SHC3: variants seen among roughly 807,000 people sequenced by gnomAD.
SHC3 encodes the protein SHC adaptor protein 3.
SHC3 carries 15 observed loss-of-function variants against 60.4 expected under a neutral mutation model. That is an observed-to-expected ratio of 0.25 (90% CI 0.17 to 0.38). The LOEUF is 0.38. SHC3 is among the 10% of genes least tolerant of loss of function. The probability of loss-of-function intolerance (pLI) is 1.00; values close to 1 mark genes in which losing one functional copy is unlikely to be tolerated. For missense variants in SHC3, 677 were observed against 786.1 expected (o/e 0.86, Z 1.66); for synonymous variants, 294 against 325.9 (o/e 0.90, Z 1.05).
intron 5 of SHC3, 121 bp downstream of exon 5, chr9:89,071,078 G>A: frequency 2.5e-6 from 2 of 808,422 alleles, no homozygotes; most frequent in Non-Finnish European, 3.9e-6. Flanking sequence ...TCAGGAGGGG[G>A]AAATTAGTTG....
At chr9:89,106,764 C>A (rs1441627969) in intron 2 of SHC3, among the ~76,000 whole-genome samples, 1 of 152,214 alleles carries the variant, frequency 6.6e-6, no homozygotes, top group African/African-American at 2.4e-5. Context: ...ACTGAAGATA[C>A]CTTCGGTCTA....
At chr9:89,094,053 G>A (rs573826388) in intron 2 of SHC3, among the ~76,000 whole-genome samples, 19 of 148,924 alleles carry the variant, frequency 1.3e-4, no homozygotes, top group Non-Finnish European at 1.6e-4. Flanking sequence ...GCAGTGAGCC[G>A]AGATTGCACC....
intron 5 of SHC3, among the ~76,000 whole-genome samples, chr9:89,066,191 T>C (rs1488582761): frequency 6.6e-6 from 1 of 152,118 alleles, no homozygotes; most frequent in Non-Finnish European, 1.5e-5. Context: ...AATTTGGTAG[T>C]AGTTCTGGGG....
intron 5 of SHC3, among the ~76,000 whole-genome samples, chr9:89,070,506 G>A (rs1825253737): frequency 6.6e-6 from 1 of 152,190 alleles, no homozygotes; most frequent in Non-Finnish European, 1.5e-5. Context: ...GGTTTTCTGA[G>A]TTCAACTTCG....
At position 89,178,293 on chromosome 9, in the gene SHC3, C is replaced by T. The variant is rs1180693858; in HGVS notation, c.168G>A (p.Ala56=). 3.8e-6 allele frequency: 6 copies of T among 1,567,734 alleles called. No individual in the cohort carries two copies. The highest frequency in any genetic ancestry group is 1.4e-5 in the African/African-American group (1 of 71,644). Residue 56 remains alanine (A), a synonymous_variant, in exon 1 of 12, where the codon GCG becomes GCA. Coordinates refer to ENST00000375835, the MANE Select transcript of SHC3 (RefSeq NM_016848.6). This position sits in a 1 kb window ranked among gnomAD's most constrained non-coding sequence, Gnocchi z 6.9. ...YLVSGEALRK[A]PDDGPGSLGH... is the part of the protein sequence containing the mutation. The stretch of plus-strand genomic sequence containing the variant: ...CCAGGCTGCCGGGCCCATCGTCGGG[C>T]GCCTTGCGCAGCGCCTCGCCGGACA...
chr9:89,037,853 G>C (rs1824607762), intron 11 of SHC3, 140 bp downstream of exon 11: 1 of 1,105,256 alleles, frequency 9.0e-7, no homozygotes, highest in Non-Finnish European at 1.3e-6. Flanking sequence ...GGAGTTGTCT[G>C]TCCCTGCGTT....
intron 1 of SHC3, among the ~76,000 whole-genome samples, chr9:89,161,237 G>A (rs1056377165): frequency 6.6e-6 from 1 of 152,130 alleles, no homozygotes; most frequent in African/African-American, 2.4e-5. Flanking sequence ...CCCCCTTCAT[G>A]CATCCCCACT....
intron 7 of SHC3, among the ~76,000 whole-genome samples, chr9:89,051,341 G>A (rs1824858461): frequency 6.6e-6 from 1 of 152,146 alleles, no homozygotes; most frequent in African/African-American, 2.4e-5. Context: ...GCTTGATGCT[G>A]TATGGAATAT....
intron 2 of SHC3, among the ~76,000 whole-genome samples, chr9:89,089,278 A>T (rs1178379489): frequency 6.6e-6 from 1 of 152,238 alleles, no homozygotes; most frequent in Non-Finnish European, 1.5e-5. Flanking sequence ...AGGAAGAGAG[A>T]AAGAAAGAGG....
chr9:89,173,446 C>G (rs561616580), intron 1 of SHC3, among the ~76,000 whole-genome samples: 2 of 152,218 alleles, frequency 1.3e-5, no homozygotes, highest in African/African-American at 4.8e-5. Flanking sequence ...AGACACCGTG[C>G]GGAGGCAGAG....
At chr9:89,018,650 T>C (rs1028139435) in intron 11 of SHC3, among the ~76,000 whole-genome samples, 4 of 150,908 alleles carry the variant, frequency 2.7e-5, no homozygotes, top group Admixed American at 6.6e-5. Flanking sequence ...AAATGTTATT[T>C]AAAAAAAACT....
intron 1 of SHC3, among the ~76,000 whole-genome samples, chr9:89,118,191 G>A (rs902099298): frequency 1.3e-5 from 2 of 148,848 alleles, no homozygotes; most frequent in African/African-American, 2.5e-5. Flanking sequence ...GGGAGTGAGA[G>A]TTTAATTTTT....
At chr9:89,119,673 A>T (rs2118137478) in intron 1 of SHC3, among the ~76,000 whole-genome samples, 1 of 152,352 alleles carries the variant, frequency 6.6e-6, no homozygotes, top group East Asian at 1.9e-4. Context: ...GGATTGGAAG[A>T]TTCAATAGAA....
intron 8 of SHC3, among the ~76,000 whole-genome samples, chr9:89,046,497 T>G (rs538197570): frequency 6.6e-6 from 1 of 152,288 alleles, no homozygotes; most frequent in South Asian, 2.1e-4. Context: ...TTCACTCCTT[T>G]TCAGAGAACC....
intron 11 of SHC3, among the ~76,000 whole-genome samples, chr9:89,022,526 G>A (rs1483307325): frequency 1.3e-5 from 2 of 152,140 alleles, no homozygotes; most frequent in African/African-American, 4.8e-5. Context: ...TCCCCCTCTA[G>A]AGAGCATGCG....
At chr9:89,172,712 G>A (rs1476612301) in intron 1 of SHC3, among the ~76,000 whole-genome samples, 6 of 152,072 alleles carry the variant, frequency 3.9e-5, no homozygotes, top group South Asian at 2.1e-4. Flanking sequence ...ATGATAAATT[G>A]CAAAATTGTT....
intron 10 of SHC3, among the ~76,000 whole-genome samples, chr9:89,040,204 TCAC>T (rs1275790362): frequency 7.0e-6 from 1 of 142,582 alleles, no homozygotes; most frequent in Non-Finnish European, 1.6e-5. Flanking sequence ...AGCAGCATCA[TCAC>T]CATCATCATC....
At chr9:89,094,667 T>C (rs1326813309) in intron 2 of SHC3, among the ~76,000 whole-genome samples, 1 of 152,118 alleles carries the variant, frequency 6.6e-6, no homozygotes, top group Non-Finnish European at 1.5e-5. Flanking sequence ...AGTAGCCTGC[T>C]TGAGGTCACA....
intron 2 of SHC3, chr9:89,109,957 A>G (rs1362198696): frequency 3.0e-6 from 3 of 985,298 alleles, no homozygotes; most frequent in Non-Finnish European, 3.6e-6. Context: ...CTTCATTTAT[A>G]CCTATGCCTC....
Sources: gnomAD v4.1 joint callset for allele counts (sites outside exome capture counted in the v4.1 genomes callset) on GRCh38, gnomAD v4.1.1 for gene constraint, Gnocchi (gnomAD v3.1) non-coding constraint, MANE v1.5 for transcripts, NCBI Gene and HGNC (gene_info 2026-07-23, HGNC 2026-07-21) for gene names.